The following BPIFB3 variants were observed in gnomAD, a reference collection of about 807,000 sequenced individuals.
The protein encoded by BPIFB3 is BPI fold containing family B member 3, also known as BPI fold-containing family B member 3.
A neutral mutation model predicts 53.1 loss-of-function variants in BPIFB3; 49 were observed. The ratio of observed to expected loss-of-function variants is 0.92; its 90% CI spans 0.73 to 1.17. The LOEUF (loss-of-function observed/expected upper bound fraction) is 1.17, where lower values mean the gene tolerates loss of function less well. Ranked by LOEUF, BPIFB3 falls within the 50% of genes most tolerant of loss-of-function variation. The pLI, the probability that BPIFB3 is intolerant of heterozygous loss-of-function variation, is 0.00. For missense variants in BPIFB3, 628 were observed against 592.5 expected (o/e 1.06, Z -0.62); for synonymous variants, 271 against 269.6 (o/e 1.01, Z -0.05).
At chr20:33,056,558 G>C in exon 2 of BPIFB3, 2 of 1,613,934 alleles carry the variant, frequency 1.2e-6, no homozygotes, top group Non-Finnish European at 1.7e-6. Flanking sequence ...AGAACTCACT[G>C]GTTGGGGAGC....
At chr20:33,059,120 T>C (rs1243797250) in intron 2 of BPIFB3, among the ~76,000 whole-genome samples, 1 of 152,180 alleles carries the variant, frequency 6.6e-6, no homozygotes, top group Non-Finnish European at 1.5e-5. Flanking sequence ...AGGACATTTG[T>C]TGAGCACACA....
Position 33,070,788 on chromosome 20 carries a change from C to T in BPIFB3, c.1218-465C>T, listed in dbSNP as rs540181404. On this transcript the variant is annotated intron_variant, in intron 11 of 14. Transcript: ENST00000375494. ...GGCCTCGCCTGCTGCCTGGGTGCAC[C>T]TCCACTTCCTGATGGCAGTTCACGC... 2.6e-5 allele frequency among the ~76,000 whole-genome samples: 4 copies of T among 152,362 alleles called. No homozygotes were observed. In the South Asian group the frequency reaches 8.3e-4, roughly 32 times the overall value.
chr20:33,061,975 T>C (rs398444), intron 5 of BPIFB3, 144 bp downstream of exon 6: 341,621 of 943,112 alleles, frequency 0.36, 64,625 homozygotes, highest in African/African-American at 0.44. Flanking sequence ...CCGGGCCTGC[T>C]GACCGGCCTT....
chr20:33,063,691 A>T lies in BPIFB3; in HGVS notation c.652+16A>T, dbSNP rs778865093. ...GCTGTGCTGGGTAAGTCAGGGCTCA[A>T]TGCCCTCCTCTTTGCCCCTTCTACC... On this transcript the variant is annotated intron_variant, in intron 6 of 14. Transcript: ENST00000375494. 1 of 1,612,352 alleles carries T rather than the reference A, an allele frequency of 6.2e-7. No individual in the cohort carries two copies. Among genetic ancestry groups the T allele is most frequent in the East Asian group, 2.2e-5 (1 of 44,764 alleles).
At chr20:33,059,218 A>T (rs915723847) in intron 2 of BPIFB3, among the ~76,000 whole-genome samples, 160 bp from the exon 4 acceptor site, 2 of 151,982 alleles carry the variant, frequency 1.3e-5, no homozygotes, top group African/African-American at 4.8e-5. Context: ...CTTTACAGAT[A>T]AGGAAACTAG....
intron 14 of BPIFB3, among the ~76,000 whole-genome samples, chr20:33,072,997 C>G (rs1980970337): frequency 6.6e-6 from 1 of 152,192 alleles, no homozygotes; most frequent in Admixed American, 6.5e-5. Flanking sequence ...CATTTCTTGC[C>G]CATGGCAGAC....
At chr20:33,055,842 G>A (rs1600534534) in intron 1 of BPIFB3, among the ~76,000 whole-genome samples, 1 of 152,122 alleles carries the variant, frequency 6.6e-6, no homozygotes, top group Non-Finnish European at 1.5e-5. Context: ...TCGAGGGGAG[G>A]GTGCTAGCTG....
chr20:33,070,601 C>G (rs1490561233), intron 11 of BPIFB3, among the ~76,000 whole-genome samples: 2 of 152,236 alleles, frequency 1.3e-5, no homozygotes, highest in African/African-American at 4.8e-5. Flanking sequence ...CTGTCTGTCC[C>G]TCCCCTGGCA....
intron 9 of BPIFB3, among the ~76,000 whole-genome samples, chr20:33,067,167 C>T (rs187134945): frequency 5.9e-5 from 9 of 152,318 alleles, no homozygotes; most frequent in Admixed American, 3.3e-4. Context: ...TACTGAGCTC[C>T]CTTCTACCAA....
chr20:33,055,768 T>C (rs540581621), intron 1 of BPIFB3, among the ~76,000 whole-genome samples: 2 of 152,052 alleles, frequency 1.3e-5, no homozygotes, highest in African/African-American at 2.4e-5. Context: ...CTGGGTGATA[T>C]GGGCTGAGGC....
intron 8 of BPIFB3, among the ~76,000 whole-genome samples, chr20:33,065,203 C>G (rs775720514): frequency 2.0e-5 from 3 of 152,142 alleles, no homozygotes; most frequent in Non-Finnish European, 4.4e-5. Flanking sequence ...AAAGTGTGAA[C>G]CACTAAAATT....
At chr20:33,064,924 C>T in intron 8 of BPIFB3, 79 bp downstream of exon 9, 2 of 1,461,234 alleles carry the variant, frequency 1.4e-6, no homozygotes, top group South Asian at 1.3e-5. Context: ...TGACCTAGGC[C>T]CTGATCAGCC....
At chr20:33,058,827 T>C (rs1980322129) in intron 2 of BPIFB3, among the ~76,000 whole-genome samples, 1 of 151,642 alleles carries the variant, frequency 6.6e-6, no homozygotes. Context: ...GGAGTGCACG[T>C]GAACTGGGAG....
At chr20:33,073,104 C>T (rs1600547004) in intron 14 of BPIFB3, among the ~76,000 whole-genome samples, 1 of 152,310 alleles carries the variant, frequency 6.6e-6, no homozygotes, top group South Asian at 2.1e-4. Context: ...TCACAGTTCC[C>T]CTGGTCCAAC....
chr20:33,067,218 G>T (rs1980706519), intron 9 of BPIFB3, among the ~76,000 whole-genome samples: 1 of 152,194 alleles, frequency 6.6e-6, no homozygotes. Flanking sequence ...AATGTCCCCA[G>T]AGAAAAGACT....
At chr20:33,069,211 C>T (rs1475784990) in intron 10 of BPIFB3, among the ~76,000 whole-genome samples, 1 of 152,134 alleles carries the variant, frequency 6.6e-6, no homozygotes, top group African/African-American at 2.4e-5. Flanking sequence ...GGGCTGCCCA[C>T]ACTGCTTCTT....
intron 8 of BPIFB3, among the ~76,000 whole-genome samples, chr20:33,066,070 G>A (rs182558551): frequency 6.6e-5 from 10 of 152,340 alleles, no homozygotes; most frequent in Non-Finnish European, 1.2e-4. Context: ...CAGAGGCCTC[G>A]TCCTGGTGCT....
At chr20:33,054,158 A>T (rs1267996035), upstream of BPIFB3, among the ~76,000 whole-genome samples, 1 of 152,090 alleles carries the variant, frequency 6.6e-6, no homozygotes, top group Non-Finnish European at 1.5e-5. Flanking sequence ...AGACTTGTAT[A>T]TATTCACAGC....
chr20:33,073,266 G>T (rs1490203838), intron 14 of BPIFB3, among the ~76,000 whole-genome samples: 1 of 152,208 alleles, frequency 6.6e-6, no homozygotes. Flanking sequence ...GCTCTAGGAG[G>T]TGGGCAGAGC....
Sources: gnomAD v4.1 joint callset for allele counts (sites outside exome capture counted in the v4.1 genomes callset) on GRCh38, gnomAD v4.1.1 for gene constraint, MANE v1.5 for transcripts, NCBI Gene and HGNC (gene_info 2026-07-23, HGNC 2026-07-21) for gene names.